The following DENND1A variants were observed in gnomAD, a reference collection of about 807,000 sequenced individuals.
The protein encoded by DENND1A is DENN domain containing 1A.
A neutral mutation model predicts 113.7 loss-of-function variants in DENND1A; 51 were observed. The observed-to-expected ratio is 0.45, with a 90% CI of 0.36 to 0.57. The LOEUF (loss-of-function observed/expected upper bound fraction) is 0.57, where lower values mean the gene tolerates loss of function less well. Ranked by LOEUF, DENND1A falls within the 20% of genes least tolerant of loss-of-function variation. The probability of loss-of-function intolerance (pLI) is 0.00; values close to 1 mark genes in which losing one functional copy is unlikely to be tolerated. For synonymous variants in DENND1A, 565 were observed against 570.8 expected (o/e 0.99, Z 0.14); for missense variants, 1,258 against 1,395.9 (o/e 0.90, Z 1.57).
intron 7 of DENND1A, among the ~76,000 whole-genome samples, chr9:123,668,087 G>C (rs2063577810): frequency 6.6e-6 from 1 of 152,102 alleles, no homozygotes; most frequent in African/African-American, 2.4e-5. Flanking sequence ...TGCTATTAAA[G>C]ACTCAGAAGA....
chr9:123,449,808 A>T (rs957801718), intron 18 of DENND1A, among the ~76,000 whole-genome samples: 6 of 152,194 alleles, frequency 3.9e-5, no homozygotes, highest in Non-Finnish European at 5.9e-5. Flanking sequence ...ATGCAAAGGC[A>T]TAAGAATGAG....
At chr9:123,401,892 G>A (rs1252101379) in intron 21 of DENND1A, 1 of 1,614,214 alleles carries the variant, frequency 6.2e-7, no homozygotes, top group Non-Finnish European at 8.5e-7. Context: ...GTGGAGTGTA[G>A]CTGGTGTTGC....
At chr9:123,715,813 A>T (rs1374201225) in intron 5 of DENND1A, among the ~76,000 whole-genome samples, 3 of 152,034 alleles carry the variant, frequency 2.0e-5, no homozygotes, top group Non-Finnish European at 4.4e-5. Context: ...AGTAGCTGGG[A>T]CGAGAGGCGG....
intron 11 of DENND1A, among the ~76,000 whole-genome samples, chr9:123,588,024 TC>T (rs1332787413): frequency 6.6e-6 from 1 of 152,128 alleles, no homozygotes; most frequent in Non-Finnish European, 1.5e-5. Context: ...ACACCTGTAA[TC>T]CCAGCACTTT....
chr9:123,819,520 A>C (rs560748992), intron 2 of DENND1A, among the ~76,000 whole-genome samples: 3 of 152,094 alleles, frequency 2.0e-5, no homozygotes, highest in Non-Finnish European at 1.5e-5. Context: ...GGGATTAAAA[A>C]ATATTTTATT....
intron 12 of DENND1A, among the ~76,000 whole-genome samples, chr9:123,573,982 T>C (rs1027003688): frequency 1.6e-4 from 25 of 152,180 alleles, no homozygotes; most frequent in Admixed American, 1.6e-3. Context: ...CCTAAATTTT[T>C]TTTTTCATAT....
At chr9:123,886,221 T>C (rs963001415) in intron 1 of DENND1A, among the ~76,000 whole-genome samples, 5 of 151,750 alleles carry the variant, frequency 3.3e-5, no homozygotes, top group Non-Finnish European at 7.4e-5. Flanking sequence ...TATTGATCAC[T>C]CTGCTGGATC....
chr9:123,392,531 C>T (rs1404117009), intron 21 of DENND1A, among the ~76,000 whole-genome samples: 1 of 152,098 alleles, frequency 6.6e-6, no homozygotes, highest in Non-Finnish European at 1.5e-5. Context: ...CGAGCAGGGA[C>T]AGCCCCCAGG....
chr9:123,626,130 T>G (rs2061201649), intron 10 of DENND1A, among the ~76,000 whole-genome samples: 1 of 152,106 alleles, frequency 6.6e-6, no homozygotes, highest in African/African-American at 2.4e-5. Flanking sequence ...TAGGCTCAAG[T>G]GATCCTCCTG....
chr9:123,739,922 G>C (rs1183453516), intron 5 of DENND1A, among the ~76,000 whole-genome samples: 1 of 118,950 alleles, frequency 8.4e-6, no homozygotes, highest in South Asian at 2.7e-4. Context: ...GTACATAGGA[G>C]AAAAAAAAAA....
chr9:123,414,107 G>A, intron 19 of DENND1A: 1 of 995,630 alleles, frequency 1.0e-6, no homozygotes, highest in South Asian at 4.5e-5. Flanking sequence ...GCAGCCTCTA[G>A]GGGTCAGACA....
chr9:123,469,887 G>C (rs1306767983), intron 13 of DENND1A, among the ~76,000 whole-genome samples: 1 of 152,234 alleles, frequency 6.6e-6, no homozygotes, highest in Non-Finnish European at 1.5e-5. Flanking sequence ...GGCAATGACA[G>C]GGCCAGAGTT....
At chr9:123,858,055 T>C (rs1458923380) in intron 2 of DENND1A, among the ~76,000 whole-genome samples, 3 of 135,956 alleles carry the variant, frequency 2.2e-5, no homozygotes, top group Non-Finnish European at 3.1e-5. Flanking sequence ...CGAGACTCCG[T>C]CTCAAAAAAA....
intron 9 of DENND1A, among the ~76,000 whole-genome samples, chr9:123,651,713 C>A (rs2062668823): frequency 6.6e-6 from 1 of 152,192 alleles, no homozygotes; most frequent in Non-Finnish European, 1.5e-5. Flanking sequence ...ACACCCGTAT[C>A]ATGAAATATG....
At chr9:123,406,966 G>A (rs1168609877) in intron 20 of DENND1A, among the ~76,000 whole-genome samples, 2 of 152,172 alleles carry the variant, frequency 1.3e-5, no homozygotes, top group African/African-American at 4.8e-5. Flanking sequence ...GATTAAGTTT[G>A]TGGCAACTTC....
At chr9:123,871,070 A>C (rs1328810113) in intron 2 of DENND1A, among the ~76,000 whole-genome samples, 4 of 152,142 alleles carry the variant, frequency 2.6e-5, no homozygotes, top group Admixed American at 2.6e-4. Flanking sequence ...CTCAGGAGAC[A>C]ACAAGTTGTT....
At chr9:123,834,743 C>G (rs766597735) in intron 2 of DENND1A, among the ~76,000 whole-genome samples, 6 of 152,156 alleles carry the variant, frequency 3.9e-5, no homozygotes, top group Non-Finnish European at 5.9e-5. Context: ...TATAGTAAGT[C>G]TACAAAGCAT....
chr9:123,855,913 T>C (rs1844108556), intron 2 of DENND1A, among the ~76,000 whole-genome samples: 1 of 152,092 alleles, frequency 6.6e-6, no homozygotes, highest in South Asian at 2.1e-4. Context: ...GGCACATGCC[T>C]GTAATCCCAG....
chr9:123,502,472 G>C (rs968832884), intron 13 of DENND1A, among the ~76,000 whole-genome samples: 5 of 152,090 alleles, frequency 3.3e-5, no homozygotes, highest in African/African-American at 1.2e-4. Context: ...TTGGCCATTT[G>C]TACATTTTCT....
Sources: allele counts gnomAD v4.1 joint callset (sites outside exome capture counted in the v4.1 genomes callset), GRCh38; gene constraint gnomAD v4.1.1; transcripts MANE v1.5; gene names NCBI Gene and HGNC (gene_info 2026-07-23, HGNC 2026-07-21).